The following FANCL variants were observed in gnomAD, a reference collection of about 807,000 sequenced individuals.
The protein encoded by FANCL is FA complementation group L.
A neutral mutation model predicts 59.4 loss-of-function variants in FANCL; 69 were observed. The ratio of observed to expected loss-of-function variants is 1.16; its 90% CI spans 0.96 to 1.42. The LOEUF (loss-of-function observed/expected upper bound fraction) is 1.42, where lower values mean the gene tolerates loss of function less well. Ranked by LOEUF, FANCL falls within the 40% of genes most tolerant of loss-of-function variation. FANCL has a pLI of 0.00. For missense variants in FANCL, 519 were observed against 447.2 expected (o/e 1.16, Z -1.45); for synonymous variants, 180 against 147.1 (o/e 1.22, Z -1.62).
chr2:58,193,046 A>C (rs1689090603), intron 7 of FANCL, among the ~76,000 whole-genome samples: 1 of 152,026 alleles, frequency 6.6e-6, no homozygotes, highest in South Asian at 2.1e-4. Context: ...AAAATTCAAC[A>C]AAAATATGTA....
chr2:58,173,535 T>G (rs1176553106), intron 7 of FANCL, among the ~76,000 whole-genome samples: 1 of 152,106 alleles, frequency 6.6e-6, no homozygotes, highest in African/African-American at 2.4e-5. Flanking sequence ...CCAGCCAAAC[T>G]AAGCTTCATA....
chr2:58,174,438 C>T (rs1432294335), intron 7 of FANCL, among the ~76,000 whole-genome samples: 1 of 152,194 alleles, frequency 6.6e-6, no homozygotes, highest in Non-Finnish European at 1.5e-5. Context: ...AACAAACTGT[C>T]TCTCAGACCA....
chr2:58,165,633 G>T (rs928448370), intron 8 of FANCL, 91 bp downstream of exon 8: 30 of 1,503,940 alleles, frequency 2.0e-5, no homozygotes, highest in Non-Finnish European at 2.3e-5. Context: ...TTCATATAAA[G>T]AAGTCTGAGT....
chr2:58,181,780 G>T lies in FANCL; in HGVS notation c.541-15906C>A, dbSNP rs180765858. Among the ~76,000 whole-genome samples, 149 of 151,748 alleles carry T rather than the reference G, an allele frequency of 9.8e-4. 1 individual carries two copies. Among genetic ancestry groups the T allele is most frequent in the African/African-American group, 3.5e-3 (144 of 41,454 alleles). ...AAAATTTGTAATAAAACATTGGAGG[G>T]GGGAATGAATCTCAAAAATATTAAA... On this transcript the variant is annotated intron_variant, in intron 7 of 13. Coordinates refer to ENST00000233741, the MANE Select transcript of FANCL (RefSeq NM_018062.4).
chr2:58,217,129 ATTTT>A (rs1190465871), intron 5 of FANCL, among the ~76,000 whole-genome samples: 1 of 113,224 alleles, frequency 8.8e-6, no homozygotes, highest in Non-Finnish European at 1.9e-5. Flanking sequence ...ATATATATAT[ATTTT>A]TATATATAGA....
intron 5 of FANCL, among the ~76,000 whole-genome samples, chr2:58,214,701 G>T (rs146610750): frequency 7.6e-4 from 116 of 151,678 alleles, no homozygotes; most frequent in African/African-American, 2.5e-3. Flanking sequence ...TTGTAGACAC[G>T]GGGTTTCACC....
At chr2:58,190,054 A>G (rs907044419) in intron 7 of FANCL, among the ~76,000 whole-genome samples, 2 of 152,062 alleles carry the variant, frequency 1.3e-5, no homozygotes, top group African/African-American at 4.8e-5. Context: ...ATCTTTAAAC[A>G]GGTGATAAAT....
At chr2:58,221,077 G>A (rs1692429316) in intron 5 of FANCL, among the ~76,000 whole-genome samples, 1 of 152,016 alleles carries the variant, frequency 6.6e-6, no homozygotes, top group Non-Finnish European at 1.5e-5. Context: ...GCCGGTCGTG[G>A]TGGCAGGCGC....
In FANCL at chr2:58,191,023, T is replaced by C. The variant is rs527665563; in HGVS notation, c.540+7571A>G. ...AACCTATTGGATCTTTATTCTCCAA[T>C]GGGCATGTTTTTCAGAAATGAAGGT... On this transcript the variant is annotated intron_variant, in intron 7 of 13. Transcript: ENST00000233741. 1.5e-4 allele frequency among the ~76,000 whole-genome samples: 23 copies of C among 151,924 alleles called. No homozygotes were observed. The South Asian group carries it at 4.6e-3, about 30-fold the overall frequency.
intron 6 of FANCL, among the ~76,000 whole-genome samples, chr2:58,202,204 T>C (rs183378632): frequency 6.8e-6 from 1 of 146,360 alleles, no homozygotes; most frequent in Admixed American, 6.9e-5. Context: ...GACAATTAGT[T>C]GCTGGTGGTT....
rs1281803537 is a variant in FANCL, at chr2:58,163,534, T to C, written c.692-17A>G. On this transcript the variant is annotated splice_polypyrimidine_tract_variant and intron_variant, in intron 8 of 13. Coordinates refer to ENST00000233741, the MANE Select transcript of FANCL (RefSeq NM_018062.4). ...CATTATTACCTAGAATGAAACAAGA[T>C]TAAATCTTTTAGAAGTAGAACAGCT... 7 of 1,493,028 alleles carry C rather than the reference T, an allele frequency of 4.7e-6. No homozygotes were observed. The highest frequency in any genetic ancestry group is 5.6e-6 in the Non-Finnish European group (6 of 1,071,016). 92.5% of individuals were successfully genotyped at this position (1,493,028 alleles called of 1,614,324 possible). A position where few individuals can be genotyped will look rare whatever the true frequency, so the allele number is the denominator to read the frequency against.
chr2:58,226,700 C>CA, intron 4 of FANCL, 28 bp downstream of exon 4: 1 of 1,545,740 alleles, frequency 6.5e-7, no homozygotes, highest in Non-Finnish European at 8.9e-7. Flanking sequence ...AGTATGGTAA[C>CA]AGTGTCAGAA....
At chr2:58,222,242 A>T (rs1268961568) in intron 4 of FANCL, among the ~76,000 whole-genome samples, 200 bp from the exon 5 acceptor site, 1 of 152,148 alleles carries the variant, frequency 6.6e-6, no homozygotes, top group Non-Finnish European at 1.5e-5. Flanking sequence ...AAGGTCATGC[A>T]AAATGTCAAT....
At chr2:58,236,546 A>G (rs932850975) in intron 1 of FANCL, among the ~76,000 whole-genome samples, 4 of 152,062 alleles carry the variant, frequency 2.6e-5, no homozygotes, top group Middle Eastern at 3.4e-3. Context: ...CCAATAATAT[A>G]AAATACAGAA....
intron 7 of FANCL, among the ~76,000 whole-genome samples, chr2:58,191,728 C>T (rs1407507584): frequency 6.6e-6 from 1 of 151,794 alleles, no homozygotes; most frequent in East Asian, 1.9e-4. Flanking sequence ...TATACAATAT[C>T]ATTACACATG....
At chr2:58,164,812 CAGTT>C (rs570379670) in intron 8 of FANCL, among the ~76,000 whole-genome samples, 47 of 152,070 alleles carry the variant, frequency 3.1e-4, no homozygotes, top group African/African-American at 6.8e-4. Flanking sequence ...AAATTAAACA[CAGTT>C]AGACTTTTTG....
intron 8 of FANCL, among the ~76,000 whole-genome samples, chr2:58,164,911 C>T (rs1429322956): frequency 1.3e-5 from 2 of 151,900 alleles, no homozygotes; most frequent in Non-Finnish European, 2.9e-5. Flanking sequence ...ACATTCTTCC[C>T]CCAGATAATC....
At chr2:58,218,731 T>A (rs1573761990) in intron 5 of FANCL, among the ~76,000 whole-genome samples, 2 of 151,898 alleles carry the variant, frequency 1.3e-5, no homozygotes, top group East Asian at 3.9e-4. Context: ...AACTGAACAA[T>A]TAAGTAAATG....
At chr2:58,198,758 G>A (rs531342337) in intron 6 of FANCL, 96 bp from the exon 7 acceptor site, 42 of 908,670 alleles carry the variant, frequency 4.6e-5, no homozygotes, top group Middle Eastern at 3.1e-4. Context: ...GGCCGGGCGC[G>A]GTGGCTCACG....
Sources: gnomAD v4.1 joint callset for allele counts (sites outside exome capture counted in the v4.1 genomes callset) on GRCh38, gnomAD v4.1.1 for gene constraint, MANE v1.5 for transcripts, NCBI Gene and HGNC (gene_info 2026-07-23, HGNC 2026-07-21) for gene names.